Variants in OR4N2 observed in about 807,000 individuals in gnomAD.
OR4N2 encodes olfactory receptor 4N2.
For missense variants in OR4N2, 307 were observed against 377.6 expected (o/e 0.81, Z 1.55); for synonymous variants, 141 against 140.4 (o/e 1.00, Z -0.03).
chr14:19,804,261 G>A (rs1363985790), intron 1 of OR4N2, among the ~76,000 whole-genome samples: 3 of 151,740 alleles, frequency 2.0e-5, no homozygotes, highest in Non-Finnish European at 2.9e-5. Context: ...ATTTGCTTTT[G>A]TTTCTCTAGT....
At position 19,827,546 on chromosome 14, in the gene OR4N2, T is replaced by C. The variant is rs1180453648; in HGVS notation, c.98T>C (p.Ile33Thr). Residue 33 changes from isoleucine to threonine, a missense_variant, in exon 2 of 2, where the codon ATA (isoleucine) becomes ACA (threonine). Coordinates refer to ENST00000557677, the MANE Select transcript of OR4N2 (RefSeq NM_001004723.3). Reference protein sequence around the residue: ...IQLLVFVLVLIFYFIILPGNF... With the variant: ...IQLLVFVLVLTFYFIILPGNF... ...CTCCTGGTCTTTGTGCTAGTTTTAATATTCTACTTCATCATCCTCCCTGGA... is the reference window on the plus strand; with the variant it reads ...CTCCTGGTCTTTGTGCTAGTTTTAACATTCTACTTCATCATCCTCCCTGGA... The C allele has an allele frequency of 1.2e-6, 2 of 1,614,232 alleles. No homozygotes were observed. Among genetic ancestry groups the C allele is most frequent in the Admixed American group, 1.7e-5 (1 of 60,036 alleles).
chr14:19,827,873 A>G lies in OR4N2; in HGVS notation c.425A>G (p.Tyr142Cys). The G allele has an allele frequency of 3.7e-6, 6 of 1,614,220 alleles. No individual in the cohort carries two copies. Among genetic ancestry groups the G allele is most frequent in the Non-Finnish European group, 5.1e-6 (6 of 1,180,042 alleles). The change falls in exon 2 of 2, where the codon TAT (tyrosine) becomes TGT (cysteine). Residue 142 changes from tyrosine (Y) to cysteine (C), a missense_variant. By Grantham distance (194) the Tyr-to-Cys change is radical. Coordinates refer to ENST00000557677, the MANE Select transcript of OR4N2 (RefSeq NM_001004723.3). ...YPTVMNPRTC[Y>C]AMMLALWLGG... ...ACTGTCATGAACCCTAGAACCTGCTATGCAATGATGTTGGCTCTGTGGCTT... is the reference window on the plus strand; with the variant it reads ...ACTGTCATGAACCCTAGAACCTGCTGTGCAATGATGTTGGCTCTGTGGCTT...
At chr14:19,813,412 T>C (rs1169831563) in intron 1 of OR4N2, among the ~76,000 whole-genome samples, 3 of 152,248 alleles carry the variant, frequency 2.0e-5, no homozygotes, top group African/African-American at 7.2e-5. Context: ...AACAACTGTA[T>C]AGATTTGAAA....
intron 1 of OR4N2, among the ~76,000 whole-genome samples, chr14:19,824,934 C>G (rs183282938): frequency 2.5e-4 from 38 of 152,364 alleles, no homozygotes; most frequent in Admixed American, 2.1e-3. Flanking sequence ...TTTTATTGCA[C>G]AGGGGGTCTG....
chr14:19,816,323 A>G (rs1879427041), intron 1 of OR4N2, among the ~76,000 whole-genome samples: 1 of 152,232 alleles, frequency 6.6e-6, no homozygotes, highest in South Asian at 2.1e-4. Flanking sequence ...GATTCTTCCT[A>G]TCCATGAGCA....
chr14:19,807,834 A>G (rs1181582779), intron 1 of OR4N2, among the ~76,000 whole-genome samples: 1 of 152,204 alleles, frequency 6.6e-6, no homozygotes, highest in Non-Finnish European at 1.5e-5. Context: ...AAATATCATC[A>G]ACAAAATGTT....
intron 1 of OR4N2, 68 bp from the exon 2 acceptor site, chr14:19,827,372 C>G (rs149808474): frequency 0.016 from 22,091 of 1,352,272 alleles, 123 homozygotes; most frequent in Non-Finnish European, 0.019. Context: ...TATTTTTTAG[C>G]TGTATAACTA....
At chr14:19,809,375 A>C (rs1388221837) in intron 1 of OR4N2, among the ~76,000 whole-genome samples, 1 of 152,244 alleles carries the variant, frequency 6.6e-6, no homozygotes, top group Non-Finnish European at 1.5e-5. Context: ...ATTAAACAAA[A>C]GAGCTTCTGC....
chr14:19,816,011 A>C (rs1487573132), intron 1 of OR4N2, among the ~76,000 whole-genome samples: 3 of 152,142 alleles, frequency 2.0e-5, no homozygotes, highest in Non-Finnish European at 4.4e-5. Context: ...ATGGTTGTAG[A>C]CGTGTGGCAT....
chr14:19,817,536 T>C (rs1347707061), intron 1 of OR4N2, among the ~76,000 whole-genome samples: 3 of 152,264 alleles, frequency 2.0e-5, no homozygotes, highest in African/African-American at 2.4e-5. Context: ...TCAGTGGTGA[T>C]ACCCCTTTAT....
At chr14:19,804,201 G>T (rs1436240693) in intron 1 of OR4N2, among the ~76,000 whole-genome samples, 1 of 151,760 alleles carries the variant, frequency 6.6e-6, no homozygotes, top group East Asian at 1.9e-4. Flanking sequence ...ATTTCTTTCA[G>T]TTCAGCTCTG....
In OR4N2 at chr14:19,824,211, T is replaced by A. The variant is rs1415981360; in HGVS notation, c.-9-3229T>A. ...TATGGATTTTTTTTTTGGCAGAAAC[T>A]TATTTTATTTTGCTTAGAGGAATGC... On this transcript the variant is annotated intron_variant, in intron 1 of 1. Transcript: ENST00000557677. Among the ~76,000 whole-genome samples, 5 of 152,180 alleles carry A rather than the reference T, an allele frequency of 3.3e-5. No homozygotes were observed. The East Asian group carries it at 9.6e-4, about 29-fold the overall frequency.
chr14:19,823,123 A>G lies in OR4N2; in HGVS notation c.-9-4317A>G, dbSNP rs1458393014. Among the ~76,000 whole-genome samples the G allele has an allele frequency of 8.3e-4, 126 of 152,232 alleles. 2 individuals are homozygous for G. Among genetic ancestry groups the G allele is most frequent in the East Asian group, 1.9e-4 (1 of 5,200 alleles). On this transcript the variant is annotated intron_variant, in intron 1 of 1. Transcript: ENST00000557677. The stretch of plus-strand genomic sequence containing the variant: ...AGCATCAGCATAAATTAAATTTTCT[A>G]TTATGTTCTCAGCCTGATTCACACT...
At chr14:19,823,786 A>C (rs1879624378) in intron 1 of OR4N2, among the ~76,000 whole-genome samples, 2 of 152,214 alleles carry the variant, frequency 1.3e-5, no homozygotes, top group Admixed American at 1.3e-4. Context: ...AGGGAAAAGA[A>C]ATCACAACCA....
intron 1 of OR4N2, among the ~76,000 whole-genome samples, chr14:19,816,992 G>T (rs1879443029): frequency 6.6e-6 from 1 of 152,214 alleles, no homozygotes; most frequent in South Asian, 2.1e-4. Flanking sequence ...GATGGATTAT[G>T]TTTACTGATT....
At chr14:19,816,588 T>G (rs1330579004) in intron 1 of OR4N2, among the ~76,000 whole-genome samples, 1 of 152,230 alleles carries the variant, frequency 6.6e-6, no homozygotes, top group Admixed American at 6.5e-5. Flanking sequence ...CTGAAGGAGA[T>G]TTTGGGCTAA....
chr14:19,819,606 T>G (rs1879512833), intron 1 of OR4N2, among the ~76,000 whole-genome samples: 1 of 152,278 alleles, frequency 6.6e-6, no homozygotes. Flanking sequence ...TCAAGGTTCT[T>G]AGCTTCCTTG....
intron 1 of OR4N2, among the ~76,000 whole-genome samples, chr14:19,825,921 T>C (rs987171110): frequency 6.6e-6 from 1 of 152,254 alleles, no homozygotes; most frequent in African/African-American, 2.4e-5. Flanking sequence ...TATCCTTTTA[T>C]ATTACAGTTT....
chr14:19,827,473 A>G lies in OR4N2; in HGVS notation c.25A>G (p.Ile9Val), dbSNP rs776957027. 5.6e-6 allele frequency: 9 copies of G among 1,604,766 alleles called. No individual in the cohort carries two copies. The highest frequency in any genetic ancestry group is 5.4e-5 in the African/African-American group (4 of 74,622). The change falls in exon 2 of 2, where the codon ATA becomes GTA. Residue 9 changes from isoleucine to valine, a missense_variant. Transcript: ENST00000557677. MESENRTV[I>V]REFILLGLTQ... ...AATGGAAAGCGAGAACAGAACAGTG[A>G]TAAGAGAATTCATCCTCCTTGGTCT...
Sources: allele counts gnomAD v4.1 joint callset (sites outside exome capture counted in the v4.1 genomes callset), GRCh38; gene constraint gnomAD v4.1.1; transcripts MANE v1.5; gene names NCBI Gene and HGNC (gene_info 2026-07-23, HGNC 2026-07-21).